Variants in PROKR2 observed in about 807,000 individuals in gnomAD.
The protein encoded by PROKR2 is prokineticin receptor 2, also known as G protein-coupled receptor 73-like 1.
A neutral mutation model predicts 23.4 loss-of-function variants in PROKR2; 26 were observed. That is an observed-to-expected ratio of 1.11 (90% CI 0.81 to 1.54). PROKR2 has a LOEUF of 1.54. Ranked by LOEUF, PROKR2 falls within the 40% of genes most tolerant of loss-of-function variation. PROKR2 has a pLI of 0.00. For synonymous variants in PROKR2, 212 were observed against 201.2 expected, an observed-to-expected ratio of 1.05 and a Z score of -0.45; for missense variants, 453 against 511.5, an observed-to-expected ratio of 0.89 and a Z score of 1.10.
intron 2 of PROKR2, among the ~76,000 whole-genome samples, chr20:5,304,829 A>T (rs1979158205): frequency 6.6e-6 from 1 of 152,186 alleles, no homozygotes; most frequent in Non-Finnish European, 1.5e-5. Context: ...GACAATGCTA[A>T]TCCCGATTGC....
At chr20:5,312,493 A>G (rs1159958739) in intron 2 of PROKR2, among the ~76,000 whole-genome samples, 1 of 152,204 alleles carries the variant, frequency 6.6e-6, no homozygotes, top group African/African-American at 2.4e-5. Flanking sequence ...CACATTTCAT[A>G]AGGGATGGTT....
chr20:5,305,345 C>T (rs1382694382), intron 2 of PROKR2, among the ~76,000 whole-genome samples: 2 of 152,202 alleles, frequency 1.3e-5, no homozygotes, highest in Admixed American at 6.5e-5. Flanking sequence ...GGAACCCCCG[C>T]AAAAGGTCCC....
At position 5,302,726 on chromosome 20, in the gene PROKR2, T is replaced by C; in HGVS notation, c.469A>G (p.Ile157Val). The C allele has an allele frequency of 2.5e-6, 4 of 1,613,596 alleles. No individual in the cohort carries two copies. Among genetic ancestry groups the C allele is most frequent in the Non-Finnish European group, 2.5e-6 (3 of 1,179,558 alleles). The part of the protein sequence containing the change: ...LAIAIDRYLA[I>V]VHPLKPRMNY... ...ATCCGTGGTTTCAAGGGGTGAACGA[T>C]GGCGAGATATCTGGTGGGGGAGGGA... The change falls in exon 3 of 3, where the codon ATC becomes GTC. Residue 157 changes from isoleucine (I) to valine (V), a missense_variant. By Grantham distance (29) the Ile-to-Val change is conservative. Transcript: ENST00000678254.
chr20:5,303,962 G>A (rs1385419630), intron 2 of PROKR2, among the ~76,000 whole-genome samples: 1 of 152,118 alleles, frequency 6.6e-6, no homozygotes, highest in Non-Finnish European at 1.5e-5. Context: ...TGAGGAGGAA[G>A]GAGAGTATAA....
intron 2 of PROKR2, among the ~76,000 whole-genome samples, chr20:5,305,748 TG>T (rs1473765855): frequency 6.6e-6 from 1 of 152,204 alleles, no homozygotes; most frequent in African/African-American, 2.4e-5. Context: ...TCTACAGCAC[TG>T]GCTGTCTGCA....
At chr20:5,311,611 TG>T (rs1278426812) in intron 2 of PROKR2, among the ~76,000 whole-genome samples, 4 of 152,360 alleles carry the variant, frequency 2.6e-5, no homozygotes, top group African/African-American at 9.6e-5. Flanking sequence ...GTATTGATCC[TG>T]GGTGTGTCTG....
Position 5,300,950 on chromosome 20 carries a change from G to A in PROKR2, c.*1090C>T, listed in dbSNP as rs187035396. 6.6e-6 allele frequency among the ~76,000 whole-genome samples: 1 copy of A among 152,214 alleles called. No homozygotes were observed. Among genetic ancestry groups the A allele is most frequent in the African/African-American group, 2.4e-5 (1 of 41,466 alleles). On this transcript the variant is annotated 3_prime_UTR_variant, in exon 3 of 3. Coordinates refer to ENST00000678254, the MANE Select transcript of PROKR2 (RefSeq NM_144773.4). Reference sequence around the variant, plus strand: ...TAAAATGATAAGCTTTCAAGCATCAGTGGGAAAGTGATTTTTAGGTTCTTT... The same window carrying A: ...TAAAATGATAAGCTTTCAAGCATCAATGGGAAAGTGATTTTTAGGTTCTTT...
chr20:5,316,008 C>G lies in PROKR2; in HGVS notation c.-9+486G>C. 2.2e-6 allele frequency: 1 copy of G among 456,678 alleles called. No individual in the cohort carries two copies. The highest frequency in any genetic ancestry group is 1.5e-5 in the South Asian group (1 of 64,562). The allele number at this position is 456,678 out of a possible 1,614,324, so 28.3% of individuals were successfully genotyped here. A position where few individuals can be genotyped will look rare whatever the true frequency, so the allele number is the denominator to read the frequency against. On this transcript the variant is annotated intron_variant, in intron 1 of 2. Transcript: ENST00000678254. The surrounding 1 kb of genome is among the most constrained non-coding windows in gnomAD (Gnocchi z 5.0). ...CGCCCCATCAACGCGGCCGCACTGT[C>G]GGCGTCTAGAGGCGACATCCTGGCA...
Position 5,314,311 on chromosome 20 carries a change from TG to T in PROKR2, c.58del (p.His20MetfsTer24), listed in dbSNP as rs587777834. ...FTPNFNPPQD[H>X]ASSLSFNFSY... ...GAAGTTAAAGGAGAGGGAGGAGGCA[TG>T]GTCTTGGGGTGGATTAAAGTTGGGT... is the stretch of plus-strand genomic sequence containing the variant. On this transcript the variant is annotated frameshift_variant, in exon 2 of 3. Coordinates refer to ENST00000678254, the MANE Select transcript of PROKR2 (RefSeq NM_144773.4). LOFTEE classifies it high-confidence loss of function. 2.1e-4 allele frequency: 331 copies of T among 1,613,958 alleles called. No individual in the cohort carries two copies. Among genetic ancestry groups the T allele is most frequent in the Non-Finnish European group, 2.6e-4 (303 of 1,180,026 alleles).
In PROKR2 at chr20:5,300,214, A is replaced by G. The variant is rs1199245434; in HGVS notation, c.*1826T>C. 1.3e-5 allele frequency among the ~76,000 whole-genome samples: 2 copies of G among 152,242 alleles called. No homozygotes were observed. Among genetic ancestry groups the G allele is most frequent in the African/African-American group, 4.8e-5 (2 of 41,460 alleles). On this transcript the variant is annotated 3_prime_UTR_variant, in exon 3 of 3. Coordinates refer to ENST00000678254, the MANE Select transcript of PROKR2 (RefSeq NM_144773.4). The stretch of plus-strand genomic sequence containing the variant: ...AATGTATAATACAAACAGATTCAGA[A>G]GTGATATTTATGCAGCACTAGGGTG...
chr20:5,301,587 T>C lies in PROKR2; in HGVS notation c.*453A>G, dbSNP rs996623061. On this transcript the variant is annotated 3_prime_UTR_variant, in exon 3 of 3. Transcript: ENST00000678254. The stretch of plus-strand genomic sequence containing the variant: ...ATACAGAATTAGGGAAGATGGAGGG[T>C]GAACTATCTATATATCTGGAGATAG... Among the ~76,000 whole-genome samples the C allele has an allele frequency of 6.6e-6, 1 of 152,196 alleles. No homozygotes were observed. The highest frequency in any genetic ancestry group is 1.5e-5 in the Non-Finnish European group (1 of 68,030).
At chr20:5,307,525 C>T (rs1244679030) in intron 2 of PROKR2, among the ~76,000 whole-genome samples, 4 of 152,160 alleles carry the variant, frequency 2.6e-5, no homozygotes, top group Admixed American at 1.3e-4. Flanking sequence ...AAATAATGAA[C>T]ATACTTGTTT....
intron 2 of PROKR2, among the ~76,000 whole-genome samples, chr20:5,310,713 T>G (rs73075517): frequency 0.51 from 76,609 of 150,734 alleles, 19,774 homozygotes; most frequent in African/African-American, 0.61. Context: ...CTGGCTCCAC[T>G]AGTCCCTCAG....
intron 1 of PROKR2, 41 bp from the exon 2 acceptor site, chr20:5,314,418 G>A (rs117050345): frequency 1.4e-6 from 2 of 1,431,974 alleles, no homozygotes; most frequent in African/African-American, 1.4e-5. Context: ...AGGGGTGAGG[G>A]TCCAGACCTT....
At chr20:5,311,674 C>T (rs1033185285) in intron 2 of PROKR2, among the ~76,000 whole-genome samples, 10 of 152,336 alleles carry the variant, frequency 6.6e-5, no homozygotes, top group African/African-American at 2.4e-4. Context: ...CTGGGAAAGG[C>T]AGACCTGCCC....
intron 2 of PROKR2, among the ~76,000 whole-genome samples, chr20:5,303,710 A>G (rs555050276): frequency 2.0e-5 from 3 of 152,072 alleles, no homozygotes; most frequent in Admixed American, 2.0e-4. Context: ...GGGGTAGGGG[A>G]GGAATGCTTT....
rs982557109 is a variant in PROKR2, at chr20:5,316,747, C to T, written c.-262G>A. 6.6e-6 allele frequency among the ~76,000 whole-genome samples: 1 copy of T among 152,218 alleles called. No homozygotes were observed. Among genetic ancestry groups the T allele is most frequent in the Non-Finnish European group, 1.5e-5 (1 of 68,036 alleles). On this transcript the variant is annotated 5_prime_UTR_variant, in exon 1 of 3. Coordinates refer to ENST00000678254, the MANE Select transcript of PROKR2 (RefSeq NM_144773.4). The surrounding 1 kb of genome is among the most constrained non-coding windows in gnomAD (Gnocchi z 5.0). ...CTCTTTCCAGCGTCTCGGACCTGTG[C>T]GCCCCGCCCCGCGCTGGACTCCGCC...
chr20:5,300,105 A>T lies in PROKR2; in HGVS notation c.*1935T>A, dbSNP rs1978930669. ...GGAATTGGTCAAATATGGTTGGGTC[A>T]GTCCCAAACCAGGTACCATTTGCAT... On this transcript the variant is annotated 3_prime_UTR_variant, in exon 3 of 3. Coordinates refer to ENST00000678254, the MANE Select transcript of PROKR2 (RefSeq NM_144773.4). Among the ~76,000 whole-genome samples, 1 of 152,276 alleles carries T rather than the reference A, an allele frequency of 6.6e-6. No individual in the cohort carries two copies. The highest frequency in any genetic ancestry group is 2.4e-5 in the African/African-American group (1 of 41,482).
chr20:5,308,200 C>A (rs1568571198), intron 2 of PROKR2, among the ~76,000 whole-genome samples: 2 of 150,026 alleles, frequency 1.3e-5, no homozygotes, highest in Non-Finnish European at 1.5e-5. Flanking sequence ...AGGCCCCCCC[C>A]CCTCAAAACC....
Sources: gnomAD v4.1 joint callset for allele counts (sites outside exome capture counted in the v4.1 genomes callset) on GRCh38, gnomAD v4.1.1 for gene constraint, Gnocchi (gnomAD v3.1) non-coding constraint, MANE v1.5 for transcripts, NCBI Gene and HGNC (gene_info 2026-07-23, HGNC 2026-07-21) for gene names.